ULK4: variants seen among roughly 807,000 people sequenced by gnomAD.
ULK4 encodes unc-51 like kinase 4.
ULK4 carries 133 observed loss-of-function variants against 160.6 expected under a neutral mutation model. That is an observed-to-expected ratio of 0.83 (90% CI 0.72 to 0.96). The LOEUF (loss-of-function observed/expected upper bound fraction) is 0.96, where lower values mean the gene tolerates loss of function less well. ULK4 is among the 40% of genes least tolerant of loss of function. ULK4 has a pLI of 0.00. For synonymous variants in ULK4, 534 were observed against 539.8 expected, an observed-to-expected ratio of 0.99 and a Z score of 0.15; for missense variants, 1,580 against 1,499.5, an observed-to-expected ratio of 1.05 and a Z score of -0.89.
intron 32 of ULK4, among the ~76,000 whole-genome samples, chr3:41,544,642 T>C (rs2086799314): frequency 6.6e-6 from 1 of 152,206 alleles, no homozygotes; most frequent in African/African-American, 2.4e-5. Flanking sequence ...CAAGCAGCTA[T>C]GATGTTTAAA....
intron 32 of ULK4, among the ~76,000 whole-genome samples, chr3:41,502,513 A>C (rs1039427298): frequency 3.9e-5 from 6 of 152,246 alleles, no homozygotes; most frequent in African/African-American, 1.4e-4. Flanking sequence ...TGTTCATATA[A>C]TCTTTATTCA....
chr3:41,564,828 G>A (rs1432147657), intron 32 of ULK4, among the ~76,000 whole-genome samples: 2 of 152,032 alleles, frequency 1.3e-5, no homozygotes, highest in Non-Finnish European at 2.9e-5. Context: ...CTACAGTAGT[G>A]TACAGGAACA....
chr3:41,509,558 T>C (rs2085500343), intron 32 of ULK4, among the ~76,000 whole-genome samples: 1 of 152,162 alleles, frequency 6.6e-6, no homozygotes, highest in Admixed American at 6.5e-5. Context: ...GAAAAGGATC[T>C]TAAGAGCTGT....
At chr3:41,430,407 T>C (rs996436446) in intron 34 of ULK4, among the ~76,000 whole-genome samples, 1 of 152,232 alleles carries the variant, frequency 6.6e-6, no homozygotes, top group African/African-American at 2.4e-5. Flanking sequence ...TTTTACACTA[T>C]AGGACTTGGT....
At chr3:41,930,361 T>C (rs986048934) in intron 5 of ULK4, among the ~76,000 whole-genome samples, 1 of 152,134 alleles carries the variant, frequency 6.6e-6, no homozygotes, top group African/African-American at 2.4e-5. Flanking sequence ...AAGACTTAAA[T>C]GTAAGACTTA....
chr3:41,799,787 T>C (rs2040402676), intron 20 of ULK4, among the ~76,000 whole-genome samples: 1 of 152,082 alleles, frequency 6.6e-6, no homozygotes. Flanking sequence ...TACTTGAACC[T>C]GGGAAGTAAA....
chr3:41,380,245 C>T (rs562688868), intron 35 of ULK4, among the ~76,000 whole-genome samples: 1 of 152,080 alleles, frequency 6.6e-6, no homozygotes, highest in South Asian at 2.1e-4. Flanking sequence ...ATTTGAATAG[C>T]AATGGAAAAC....
intron 17 of ULK4, among the ~76,000 whole-genome samples, chr3:41,846,161 C>A (rs889452303): frequency 2.0e-5 from 3 of 152,164 alleles, no homozygotes; most frequent in African/African-American, 7.2e-5. Flanking sequence ...CAAAAGTTAA[C>A]TTTGGATAGC....
chr3:41,954,552 GA>G (rs891259032), intron 2 of ULK4, 69 bp downstream of exon 2: 11 of 1,520,228 alleles, frequency 7.2e-6, no homozygotes, highest in African/African-American at 1.4e-5. Flanking sequence ...TGACTACTGT[GA>G]AAATGCTACC....
intron 35 of ULK4, among the ~76,000 whole-genome samples, chr3:41,338,405 C>G (rs1353729859): frequency 6.6e-6 from 1 of 152,208 alleles, no homozygotes; most frequent in Non-Finnish European, 1.5e-5. Context: ...GGAGCAAACA[C>G]ACAAACATTA....
chr3:41,332,710 T>C lies in ULK4; in HGVS notation c.3678+65369A>G, dbSNP rs553804363. Among the ~76,000 whole-genome samples, 92 of 152,292 alleles carry C rather than the reference T, an allele frequency of 6.0e-4. 1 individual carries two copies. Among genetic ancestry groups the C allele is most frequent in the Admixed American group, 1.8e-3 (27 of 15,300 alleles). ...TGTGCAGGTTTGTTATGTGAACATA[T>C]TGTGTGATGCTGAGGTTTGGGGTAT... On this transcript the variant is annotated intron_variant, in intron 35 of 36. Coordinates refer to ENST00000301831, the MANE Select transcript of ULK4 (RefSeq NM_017886.4).
At chr3:41,952,600 C>T (rs1276868563) in intron 2 of ULK4, among the ~76,000 whole-genome samples, 2 of 152,098 alleles carry the variant, frequency 1.3e-5, no homozygotes, top group African/African-American at 2.4e-5. Context: ...AAACCGAACC[C>T]TTGTGCACTG....
chr3:41,902,262 T>A (rs1038539995), intron 12 of ULK4, among the ~76,000 whole-genome samples: 45 of 152,048 alleles, frequency 3.0e-4, no homozygotes, highest in Non-Finnish European at 1.5e-5. Flanking sequence ...AGCTGCCCCA[T>A]GCAACTCAGA....
intron 35 of ULK4, among the ~76,000 whole-genome samples, chr3:41,307,360 A>T (rs2079967159): frequency 6.6e-6 from 1 of 152,186 alleles, no homozygotes; most frequent in Admixed American, 6.5e-5. Context: ...TCCAGCCCTT[A>T]GTGAAGGTAG....
chr3:41,678,788 A>T (rs910333191), intron 29 of ULK4, among the ~76,000 whole-genome samples: 30 of 152,242 alleles, frequency 2.0e-4, no homozygotes, highest in Non-Finnish European at 3.8e-4. Flanking sequence ...AGGGAAGGCT[A>T]AAACTTTAAC....
chr3:41,709,543 C>T (rs1289424177), intron 25 of ULK4, among the ~76,000 whole-genome samples: 4 of 152,166 alleles, frequency 2.6e-5, no homozygotes, highest in Admixed American at 1.3e-4. Context: ...CGCGCCACCA[C>T]GCCCAGTTAA....
At chr3:41,746,270 C>CAAAAAAAAAAAAAA (rs2038415374) in intron 22 of ULK4, among the ~76,000 whole-genome samples, 1 of 50,194 alleles carries the variant, frequency 2.0e-5, no homozygotes, top group African/African-American at 2.0e-4. Context: ...TCCTGGAACC[C>CAAAAAAAAAAAAAA]ACAAAAAAAA....
At chr3:41,846,024 A>C (rs1162223132) in intron 17 of ULK4, among the ~76,000 whole-genome samples, 1 of 152,216 alleles carries the variant, frequency 6.6e-6, no homozygotes, top group African/African-American at 2.4e-5. Flanking sequence ...ACAGACCCTT[A>C]AAGTGATAAA....
At chr3:41,669,564 T>C (rs981918489) in intron 29 of ULK4, among the ~76,000 whole-genome samples, 3 of 152,286 alleles carry the variant, frequency 2.0e-5, no homozygotes, top group Admixed American at 2.0e-4. Flanking sequence ...GGCCAAAATG[T>C]ATATGAATTT....
Sources: gnomAD v4.1 joint callset for allele counts (sites outside exome capture counted in the v4.1 genomes callset) on GRCh38, gnomAD v4.1.1 for gene constraint, MANE v1.5 for transcripts, NCBI Gene and HGNC (gene_info 2026-07-23, HGNC 2026-07-21) for gene names.